The following PARD3B variants were observed in gnomAD, a reference collection of about 807,000 sequenced individuals.
PARD3B encodes the protein partitioning defective 3 homolog B.
In PARD3B, 103 loss-of-function variants were observed where a neutral mutation model predicts 130.2. The observed-to-expected ratio is 0.79, with a 90% CI of 0.67 to 0.93. The LOEUF is 0.93. Among genes scored for constraint, PARD3B ranks in the 40% least tolerant of loss-of-function variants. The probability of loss-of-function intolerance (pLI) is 0.00; values close to 1 mark genes in which losing one functional copy is unlikely to be tolerated. For synonymous variants in PARD3B, 583 were observed against 553.2 expected, an observed-to-expected ratio of 1.05 and a Z score of -0.76; for missense variants, 1,609 against 1,499.2, an observed-to-expected ratio of 1.07 and a Z score of -1.21.
At chr2:205,607,895 G>T (rs2055072648) in intron 22 of PARD3B, among the ~76,000 whole-genome samples, 2 of 148,728 alleles carry the variant, frequency 1.3e-5, no homozygotes, top group Non-Finnish European at 3.0e-5. Context: ...CATGAAGATG[G>T]AAGTGTTTAA....
At chr2:205,191,000 A>T (rs1434963907) in intron 14 of PARD3B, among the ~76,000 whole-genome samples, 1 of 151,616 alleles carries the variant, frequency 6.6e-6, no homozygotes, top group African/African-American at 2.4e-5. Flanking sequence ...TCATTACTAG[A>T]TACCATATCT....
In PARD3B at chr2:205,532,929, G is replaced by A. The variant is rs576958750; in HGVS notation, c.3181-20395G>A. Among the ~76,000 whole-genome samples the A allele has an allele frequency of 7.9e-5, 12 of 152,286 alleles. No homozygotes were observed. In the East Asian group the frequency reaches 2.1e-3, roughly 27 times the overall value. On this transcript the variant is annotated intron_variant, in intron 21 of 22. Transcript: ENST00000406610. The stretch of plus-strand genomic sequence containing the variant: ...ATACATCTATAAATAAGATATTAAA[G>A]TGTGCTGCTGAATATGATAATTGCT...
At chr2:205,583,165 G>A (rs1028399115) in intron 22 of PARD3B, among the ~76,000 whole-genome samples, 2 of 152,242 alleles carry the variant, frequency 1.3e-5, no homozygotes, top group African/African-American at 4.8e-5. Flanking sequence ...AGCATAGCAA[G>A]TGGTTTTGAG....
rs938915712 is a variant in PARD3B at position 205,090,245 on chromosome 2, G to A, written c.505-14181G>A. ...TGGGAGAAACCTTAATGTAACTGGA[G>A]TGAAATGAAAATCTCTGTTTTGTTC... On this transcript the variant is annotated intron_variant, in intron 4 of 22. Coordinates refer to ENST00000406610, the MANE Select transcript of PARD3B (RefSeq NM_001302769.2). 2.0e-5 allele frequency among the ~76,000 whole-genome samples: 3 copies of A among 152,174 alleles called. No homozygotes were observed. In the East Asian group the frequency reaches 5.8e-4, roughly 29 times the overall value.
chr2:204,599,398 C>T (rs1235016496), intron 1 of PARD3B, among the ~76,000 whole-genome samples: 1 of 151,830 alleles, frequency 6.6e-6, no homozygotes, highest in Non-Finnish European at 1.5e-5. Flanking sequence ...TCTATGAGAT[C>T]ACCATTTTTT....
At chr2:204,600,701 T>G (rs1403169669) in intron 1 of PARD3B, among the ~76,000 whole-genome samples, 1 of 151,912 alleles carries the variant, frequency 6.6e-6, no homozygotes, top group Non-Finnish European at 1.5e-5. Flanking sequence ...TATCCTAAAG[T>G]AGAAGTGATA....
chr2:205,603,674 CT>C (rs1173516839), intron 22 of PARD3B, among the ~76,000 whole-genome samples: 4 of 152,150 alleles, frequency 2.6e-5, no homozygotes, highest in Admixed American at 2.0e-4. Context: ...ATTGCAACCC[CT>C]GCTTTTTTCT....
chr2:204,982,735 T>C (rs1168284332), intron 3 of PARD3B, among the ~76,000 whole-genome samples: 1 of 152,192 alleles, frequency 6.6e-6, no homozygotes, highest in Non-Finnish European at 1.5e-5. Context: ...ACATTGCCCC[T>C]AGATAATGGA....
At chr2:205,548,863 A>G (rs958147779) in intron 21 of PARD3B, among the ~76,000 whole-genome samples, 14 of 152,256 alleles carry the variant, frequency 9.2e-5, no homozygotes, top group Admixed American at 5.2e-4. Flanking sequence ...AACGTTTGCA[A>G]AACACACATC....
In PARD3B at chr2:205,572,019, C is replaced by G. The variant is rs768420174; in HGVS notation, c.3260+18616C>G. Among the ~76,000 whole-genome samples, 1 of 152,236 alleles carries G rather than the reference C, an allele frequency of 6.6e-6. No individual in the cohort carries two copies. The highest frequency in any genetic ancestry group is 1.9e-4 in the East Asian group (1 of 5,172). ...GGTGAGCATGGGAAATTGGAGCAGT[C>G]GAGCTGTGGAGTTATTTTGTTTATT... On this transcript the variant is annotated intron_variant, in intron 22 of 22. Coordinates refer to ENST00000406610, the MANE Select transcript of PARD3B (RefSeq NM_001302769.2). The surrounding 1 kb of genome is among the most constrained non-coding windows in gnomAD (Gnocchi z 4.2).
chr2:205,001,138 G>A (rs1252516570), intron 3 of PARD3B, among the ~76,000 whole-genome samples: 1 of 152,014 alleles, frequency 6.6e-6, no homozygotes, highest in Non-Finnish European at 1.5e-5. Context: ...ACAGGTGCCT[G>A]CAACCACACC....
At position 205,090,891 on chromosome 2, in the gene PARD3B, T is replaced by C. The variant is rs143974025; in HGVS notation, c.505-13535T>C. ...CTCTTAGGCAAAAGCAATCAGAATGTGTAAACAGTCGGCCAATTTCATCCT... is the reference window on the plus strand; with the variant it reads ...CTCTTAGGCAAAAGCAATCAGAATGCGTAAACAGTCGGCCAATTTCATCCT... On this transcript the variant is annotated intron_variant, in intron 4 of 22. Coordinates refer to ENST00000406610, the MANE Select transcript of PARD3B (RefSeq NM_001302769.2). 4.2e-3 allele frequency among the ~76,000 whole-genome samples: 636 copies of C among 152,324 alleles called. 1 individual carries two copies. Among genetic ancestry groups the C allele is most frequent in the South Asian group, 9.1e-3 (44 of 4,826 alleles).
At chr2:205,445,691 A>C (rs2106177631) in intron 20 of PARD3B, among the ~76,000 whole-genome samples, 1 of 152,320 alleles carries the variant, frequency 6.6e-6, no homozygotes, top group Non-Finnish European at 1.5e-5. Context: ...ACAGATCCAA[A>C]CCATATTAAG....
chr2:204,800,327 CA>C (rs1404324733), intron 2 of PARD3B, among the ~76,000 whole-genome samples: 2 of 151,640 alleles, frequency 1.3e-5, no homozygotes, highest in African/African-American at 4.8e-5. Context: ...TTTAAAAATA[CA>C]AAGTTGGAAG....
intron 21 of PARD3B, among the ~76,000 whole-genome samples, chr2:205,506,986 C>T (rs1338530308): frequency 2.0e-5 from 3 of 152,090 alleles, no homozygotes; most frequent in African/African-American, 7.2e-5. Flanking sequence ...GCTATTCTCT[C>T]TGCAGGCACC....
At chr2:204,903,535 A>G (rs1011117045) in intron 2 of PARD3B, among the ~76,000 whole-genome samples, 3 of 152,194 alleles carry the variant, frequency 2.0e-5, no homozygotes, top group African/African-American at 7.2e-5. Flanking sequence ...ACTTCTTGAT[A>G]TTATGAATCC....
chr2:205,473,491 C>T lies in PARD3B; in HGVS notation c.3045-26405C>T, dbSNP rs2048910002. 6.6e-6 allele frequency among the ~76,000 whole-genome samples: 1 copy of T among 151,786 alleles called. No individual in the cohort carries two copies. The highest frequency in any genetic ancestry group is 1.5e-5 in the Non-Finnish European group (1 of 67,922). On this transcript the variant is annotated intron_variant, in intron 20 of 22. Coordinates refer to ENST00000406610, the MANE Select transcript of PARD3B (RefSeq NM_001302769.2). The surrounding 1 kb of genome is among the most constrained non-coding windows in gnomAD (Gnocchi z 4.9). Reference sequence around the variant, plus strand: ...GTTTTACAATACCAAATTGTTTATACACTGCTGGTTTTCTGCTGCCTGACA... The same window carrying T: ...GTTTTACAATACCAAATTGTTTATATACTGCTGGTTTTCTGCTGCCTGACA...
At position 205,470,059 on chromosome 2, in the gene PARD3B, T is replaced by C. The variant is rs2048771799; in HGVS notation, c.3044+29387T>C. Among the ~76,000 whole-genome samples the C allele has an allele frequency of 6.6e-6, 1 of 152,244 alleles. No individual in the cohort carries two copies. The highest frequency in any genetic ancestry group is 2.1e-4 in the South Asian group (1 of 4,834). On this transcript the variant is annotated intron_variant, in intron 20 of 22. Transcript: ENST00000406610. This position sits in a 1 kb window ranked among gnomAD's most constrained non-coding sequence, Gnocchi z 4.8. ...CTCTCCTGCTTTCCATTGATGGAGA[T>C]GTCAGGTGAGTCACTTAATGTCTGT...
rs1210932999 is a variant in PARD3B, at chr2:205,407,850, C to G, written c.2741+6727C>G. On this transcript the variant is annotated intron_variant, in intron 19 of 22. Transcript: ENST00000406610. The surrounding 1 kb of genome is among the most constrained non-coding windows in gnomAD (Gnocchi z 4.1). ...TAACATGAGTTATATACTCCAAAAT[C>G]TTCCATTACTCTTATACCATATCAG... is the stretch of plus-strand genomic sequence containing the variant. 6.6e-6 allele frequency among the ~76,000 whole-genome samples: 1 copy of G among 152,060 alleles called. No individual in the cohort carries two copies. The highest frequency in any genetic ancestry group is 1.5e-5 in the Non-Finnish European group (1 of 68,008).
Sources: allele counts gnomAD v4.1 joint callset (sites outside exome capture counted in the v4.1 genomes callset), GRCh38; gene constraint gnomAD v4.1.1; non-coding constraint Gnocchi (gnomAD v3.1); transcripts MANE v1.5; gene names NCBI Gene and HGNC (gene_info 2026-07-23, HGNC 2026-07-21).